Variants in ADAMTSL1 observed in about 807,000 individuals in gnomAD.
ADAMTSL1 encodes the protein ADAMTS like 1.
ADAMTSL1 carries 126 observed loss-of-function variants against 201.8 expected under a neutral mutation model. That is an observed-to-expected ratio of 0.62 (90% CI 0.54 to 0.72). The LOEUF (loss-of-function observed/expected upper bound fraction) is 0.72, where lower values mean the gene tolerates loss of function less well. ADAMTSL1 is among the 30% of genes least tolerant of loss of function. The pLI is 0.00. For synonymous variants in ADAMTSL1, 1,121 were observed against 903.4 expected, an observed-to-expected ratio of 1.24 and a Z score of -4.32; for missense variants, 2,679 against 2,277.8, an observed-to-expected ratio of 1.18 and a Z score of -3.59.
intron 2 of ADAMTSL1, among the ~76,000 whole-genome samples, chr9:18,280,931 G>A (rs1832764264): frequency 6.8e-6 from 1 of 146,910 alleles, no homozygotes; most frequent in South Asian, 2.2e-4. Flanking sequence ...ACTGAAGTGC[G>A]GTGGCATGAT....
intron 2 of ADAMTSL1, among the ~76,000 whole-genome samples, chr9:18,411,993 T>C (rs1818464377): frequency 6.6e-6 from 1 of 152,238 alleles, no homozygotes; most frequent in Admixed American, 6.5e-5. Flanking sequence ...TTTAGGTCTC[T>C]TAAAGCTTCT....
At chr9:18,302,142 G>A (rs889317560) in intron 2 of ADAMTSL1, among the ~76,000 whole-genome samples, 1 of 152,158 alleles carries the variant, frequency 6.6e-6, no homozygotes, top group Admixed American at 6.6e-5. Flanking sequence ...GGTTGCTGTT[G>A]TACTTTGGCC....
At chr9:18,420,180 C>G (rs1818878648) in intron 2 of ADAMTSL1, among the ~76,000 whole-genome samples, 1 of 152,142 alleles carries the variant, frequency 6.6e-6, no homozygotes, top group Non-Finnish European at 1.5e-5. Context: ...ACTGTTGCAC[C>G]AACCTATAGA....
intron 1 of ADAMTSL1, among the ~76,000 whole-genome samples, chr9:18,096,962 G>T (rs756926697): frequency 3.3e-5 from 5 of 152,032 alleles, no homozygotes; most frequent in Non-Finnish European, 7.4e-5. Context: ...ATCATAAAAG[G>T]CATCCATTGT....
chr9:17,940,591 G>A (rs1827195632), intron 1 of ADAMTSL1, among the ~76,000 whole-genome samples: 1 of 151,860 alleles, frequency 6.6e-6, no homozygotes, highest in Non-Finnish European at 1.5e-5. Flanking sequence ...AAGCTGCCTG[G>A]AAGGCATTTG....
intron 2 of ADAMTSL1, among the ~76,000 whole-genome samples, chr9:18,315,969 A>T (rs4268217): frequency 6.6e-6 from 1 of 152,012 alleles, no homozygotes; most frequent in African/African-American, 2.4e-5. Context: ...CCTAAGCATC[A>T]GCTGGCTTGA....
At chr9:18,479,533 C>T (rs1821620481) in intron 1 of ADAMTSL1, among the ~76,000 whole-genome samples, 1 of 152,192 alleles carries the variant, frequency 6.6e-6, no homozygotes, top group South Asian at 2.1e-4. Context: ...ACAGTCAGCG[C>T]TTAGTAATTG....
intron 2 of ADAMTSL1, among the ~76,000 whole-genome samples, chr9:18,379,704 G>A (rs886095320): frequency 5.9e-5 from 9 of 152,042 alleles, no homozygotes; most frequent in East Asian, 1.9e-4. Context: ...GTTTTATACC[G>A]GATGAGAGCA....
intron 1 of ADAMTSL1, among the ~76,000 whole-genome samples, chr9:17,937,641 ATTC>A (rs377143862): frequency 0.93 from 141,207 of 151,096 alleles, 66,106 homozygotes; most frequent in Non-Finnish European, 0.97. Context: ...GTTGATTTAA[ATTC>A]CTTAAATACT....
intron 2 of ADAMTSL1, among the ~76,000 whole-genome samples, chr9:18,385,953 C>CCTTT (rs1172594070): frequency 6.6e-6 from 1 of 152,170 alleles, no homozygotes; most frequent in Non-Finnish European, 1.5e-5. Context: ...TGCACCTTCT[C>CCTTT]TATTCCAAGC....
chr9:18,720,609 C>A (rs528422471), intron 14 of ADAMTSL1, among the ~76,000 whole-genome samples: 231 of 152,202 alleles, frequency 1.5e-3, no homozygotes, highest in African/African-American at 5.2e-3. Context: ...ATGGTGAAAC[C>A]CCATCTCTAC....
chr9:18,537,940 G>GAGGAAGAAGAAGAAGGAAGAAGAGA lies in ADAMTSL1; in HGVS notation c.237+4651_237+4675dup, dbSNP rs1300265595. ...AGAGAAGAAAGAAGAAGAGGAGGAAGAGGAAGAAGAAGAAGGAAGAAGAGA... is the reference window on the plus strand; with the variant it reads ...AGAGAAGAAAGAAGAAGAGGAGGAAGAGGAAGAAGAAGAAGGAAGAAGAGAAGGAAGAAGAAGAAGGAAGAAGAGA... On this transcript the variant is annotated intron_variant, in intron 3 of 28. Coordinates refer to ENST00000380548, the MANE Select transcript of ADAMTSL1 (RefSeq NM_001040272.6). Among the ~76,000 whole-genome samples, 30 of 147,958 alleles carry GAGGAAGAAGAAGAAGGAAGAAGAGA rather than the reference G, an allele frequency of 2.0e-4. 1 individual carries two copies. Among genetic ancestry groups the GAGGAAGAAGAAGAAGGAAGAAGAGA allele is most frequent in the African/African-American group, 7.2e-4 (29 of 40,488 alleles).
chr9:18,685,803 A>C (rs979271579), intron 13 of ADAMTSL1, among the ~76,000 whole-genome samples: 1 of 152,242 alleles, frequency 6.6e-6, no homozygotes, highest in African/African-American at 2.4e-5. Flanking sequence ...CTGAGTGCAC[A>C]AGAAATCCAA....
intron 12 of ADAMTSL1, among the ~76,000 whole-genome samples, chr9:18,683,370 G>A (rs1331288265): frequency 1.3e-5 from 2 of 151,520 alleles, no homozygotes; most frequent in Non-Finnish European, 2.9e-5. Context: ...GATTACAGGC[G>A]CATGCTGCCG....
chr9:17,908,967 T>G (rs1668783364), intron 1 of ADAMTSL1, among the ~76,000 whole-genome samples: 1 of 151,374 alleles, frequency 6.6e-6, no homozygotes, highest in African/African-American at 2.4e-5. Context: ...TTTCTCCACA[T>G]CCTCTCCAGC....
At chr9:18,095,001 G>T (rs1824183164) in intron 1 of ADAMTSL1, among the ~76,000 whole-genome samples, 1 of 152,132 alleles carries the variant, frequency 6.6e-6, no homozygotes, top group African/African-American at 2.4e-5. Context: ...TCTTTTACCT[G>T]CCTTCTTCCT....
At chr9:18,252,832 T>G in intron 2 of ADAMTSL1, among the ~76,000 whole-genome samples, 1 of 152,198 alleles carries the variant, frequency 6.6e-6, no homozygotes, top group South Asian at 2.1e-4. Context: ...GTTATCTTGC[T>G]GTATCTAATA....
At chr9:18,532,872 C>G (rs1819528935) in intron 2 of ADAMTSL1, among the ~76,000 whole-genome samples, 1 of 151,624 alleles carries the variant, frequency 6.6e-6, no homozygotes, top group Non-Finnish European at 1.5e-5. Context: ...AATTTATTTT[C>G]AAGATCTAAG....
intron 1 of ADAMTSL1, among the ~76,000 whole-genome samples, chr9:18,020,096 C>G (rs1586904764): frequency 6.6e-6 from 1 of 152,146 alleles, no homozygotes; most frequent in African/African-American, 2.4e-5. Flanking sequence ...AGTCTACAGT[C>G]TGTTATATTC....
Sources: gnomAD v4.1 joint callset for allele counts (sites outside exome capture counted in the v4.1 genomes callset) on GRCh38, gnomAD v4.1.1 for gene constraint, MANE v1.5 for transcripts, NCBI Gene and HGNC (gene_info 2026-07-23, HGNC 2026-07-21) for gene names.